Variants in PPIL4 observed in about 807,000 individuals in gnomAD.
PPIL4 encodes peptidylprolyl isomerase like 4.
In PPIL4, 50 loss-of-function variants were observed where a neutral mutation model predicts 69.1. The ratio of observed to expected loss-of-function variants is 0.72; its 90% CI spans 0.58 to 0.92. PPIL4 has a LOEUF of 0.92. PPIL4 is among the 40% of genes least tolerant of loss of function. The pLI, the probability that PPIL4 is intolerant of heterozygous loss-of-function variation, is 0.00. For synonymous variants in PPIL4, 193 were observed against 191.6 expected (o/e 1.01, Z -0.06); for missense variants, 480 against 587.9 (o/e 0.82, Z 1.90).
intron 11 of PPIL4, among the ~76,000 whole-genome samples, chr6:149,514,603 T>G (rs1194412875): frequency 6.6e-6 from 1 of 152,144 alleles, no homozygotes; most frequent in Non-Finnish European, 1.5e-5. Flanking sequence ...ATTACAGGCA[T>G]GAGCCACTGC....
chr6:149,527,372 A>G (rs1398631827), intron 7 of PPIL4, among the ~76,000 whole-genome samples: 2 of 152,198 alleles, frequency 1.3e-5, no homozygotes, highest in African/African-American at 4.8e-5. Context: ...AAATAAAATA[A>G]AGACAAGTAA....
chr6:149,513,296 A>C (rs1776884319), intron 11 of PPIL4, among the ~76,000 whole-genome samples: 2 of 145,742 alleles, frequency 1.4e-5, no homozygotes, highest in South Asian at 4.3e-4. Flanking sequence ...GAGGCAGGAA[A>C]ATCATTTGAA....
In PPIL4 at chr6:149,522,400, A is replaced by T. The variant is rs1024271906; in HGVS notation, c.871-1229T>A. Among the ~76,000 whole-genome samples, 6 of 152,362 alleles carry T rather than the reference A, an allele frequency of 3.9e-5. No individual in the cohort carries two copies. The East Asian group carries it at 7.7e-4, about 20-fold the overall frequency. The stretch of plus-strand genomic sequence containing the variant: ...AGTTGGAAGACTCACAGTTATCAAG[A>T]CATTTATAAACCTATAGTGATTAAC... On this transcript the variant is annotated intron_variant, in intron 9 of 12. Coordinates refer to ENST00000253329, the MANE Select transcript of PPIL4 (RefSeq NM_139126.4).
chr6:149,512,152 T>A lies in PPIL4; in HGVS notation c.1227+3A>T. On this transcript the variant is annotated splice_donor_region_variant and intron_variant, in intron 12 of 12. Transcript: ENST00000253329. ...CACATCTAAGTCTGGACATTAGAGG[T>A]ACCTGATTAGTATTTTTGATTGGCA... The A allele has an allele frequency of 6.2e-7, 1 of 1,600,500 alleles. No individual in the cohort carries two copies. Among genetic ancestry groups the A allele is most frequent in the Non-Finnish European group, 8.5e-7 (1 of 1,173,248 alleles).
chr6:149,516,508 A>C (rs1776946674), intron 11 of PPIL4, among the ~76,000 whole-genome samples: 1 of 152,214 alleles, frequency 6.6e-6, no homozygotes, highest in African/African-American at 2.4e-5. Context: ...ACCAATAGAA[A>C]CTAGGAAACA....
At chr6:149,532,356 A>G (rs1360983180) in intron 7 of PPIL4, among the ~76,000 whole-genome samples, 3 of 152,210 alleles carry the variant, frequency 2.0e-5, no homozygotes, top group African/African-American at 7.2e-5. Context: ...TTGCTGTGGA[A>G]AAGTCTGATA....
Position 149,534,677 on chromosome 6 carries a change from C to T in PPIL4, c.561+1G>A, listed in dbSNP as rs1006292802. The T allele has an allele frequency of 5.5e-6, 8 of 1,462,820 alleles. No homozygotes were observed. Among genetic ancestry groups the T allele is most frequent in the African/African-American group, 1.4e-5 (1 of 71,242 alleles). The allele number at this position is 1,462,820 out of a possible 1,614,324, so 90.6% of individuals were successfully genotyped here. A position where few individuals can be genotyped will look rare whatever the true frequency, so the allele number is the denominator to read the frequency against. On this transcript the variant is annotated splice_donor_variant, in intron 6 of 12. Transcript: ENST00000253329. LOFTEE classifies it high-confidence loss of function. ...TTTAATCATAAGAGGGCTTTACTTACATCTAATTGTTCCCTTGTAGGTTCT... is the reference window on the plus strand; with the variant it reads ...TTTAATCATAAGAGGGCTTTACTTATATCTAATTGTTCCCTTGTAGGTTCT...
chr6:149,532,414 T>C lies in PPIL4; in HGVS notation c.678+1044A>G, dbSNP rs73781222. Among the ~76,000 whole-genome samples the C allele has an allele frequency of 9.6e-3, 1,466 of 152,298 alleles. 32 individuals are homozygous for C. The highest frequency in any genetic ancestry group is 0.034 in the African/African-American group (1,411 of 41,552). ...TAAGTAACTTATTCTTTCTGCCCAATTGTTCAACATATCTTTCAAGTGTAG... is the reference window on the plus strand; with the variant it reads ...TAAGTAACTTATTCTTTCTGCCCAACTGTTCAACATATCTTTCAAGTGTAG... On this transcript the variant is annotated intron_variant, in intron 7 of 12. Transcript: ENST00000253329.
intron 12 of PPIL4, among the ~76,000 whole-genome samples, chr6:149,506,784 C>G (rs961224454): frequency 1.3e-5 from 2 of 152,100 alleles, no homozygotes; most frequent in African/African-American, 4.8e-5. Context: ...TTTGTAGAGA[C>G]GGGGTTTCCC....
At chr6:149,542,546 G>C (rs181198406) in intron 1 of PPIL4, among the ~76,000 whole-genome samples, 2 of 152,236 alleles carry the variant, frequency 1.3e-5, no homozygotes, top group African/African-American at 4.8e-5. Flanking sequence ...GGCAATCCCT[G>C]CCCTCAAAAA....
At chr6:149,520,317 A>ATGAG (rs1416439998) in intron 10 of PPIL4, among the ~76,000 whole-genome samples, 1 of 152,120 alleles carries the variant, frequency 6.6e-6, no homozygotes, top group Non-Finnish European at 1.5e-5. Context: ...AATTAGATAG[A>ATGAG]TGAGGAGCAG....
intron 10 of PPIL4, among the ~76,000 whole-genome samples, chr6:149,520,278 A>G (rs1332743694): frequency 6.6e-6 from 1 of 152,186 alleles, no homozygotes; most frequent in African/African-American, 2.4e-5. Context: ...GTTAGTACCA[A>G]TAGGTGATAA....
chr6:149,540,044 G>A (rs199909310), intron 4 of PPIL4, among the ~76,000 whole-genome samples: 5 of 152,184 alleles, frequency 3.3e-5, no homozygotes, highest in African/African-American at 9.6e-5. Flanking sequence ...CAGGAGAATC[G>A]CTTGAACCTG....
chr6:149,515,184 G>A (rs78296717), intron 11 of PPIL4, among the ~76,000 whole-genome samples: 28,841 of 141,486 alleles, frequency 0.2, 4,264 homozygotes, highest in East Asian at 0.77. Context: ...ACCGGGTCTC[G>A]CTATATTGCC....
At chr6:149,544,895 G>A (rs1206779467) in intron 1 of PPIL4, among the ~76,000 whole-genome samples, 1 of 152,170 alleles carries the variant, frequency 6.6e-6, no homozygotes. Flanking sequence ...GATAGGCTCT[G>A]CATTCCATGT....
At chr6:149,534,826 C>T (rs1777250354) in intron 5 of PPIL4, 52 bp from the exon 6 acceptor site, 1 of 1,106,146 alleles carries the variant, frequency 9.0e-7, no homozygotes, top group South Asian at 1.5e-5. Context: ...ATTTCAGAAT[C>T]CTATTTTATT....
At position 149,540,938 on chromosome 6, in the gene PPIL4, T is replaced by C. The variant is rs1777349634; in HGVS notation, c.321+4A>G. ...AAATCTCATATTCTTACTCATTTCC[T>C]AACCTGAGATCCATGTTGATCACTG... On this transcript the variant is annotated splice_donor_region_variant and intron_variant, in intron 4 of 12. Coordinates refer to ENST00000253329, the MANE Select transcript of PPIL4 (RefSeq NM_139126.4). 1.3e-6 allele frequency: 2 copies of C among 1,534,584 alleles called. No individual in the cohort carries two copies. Among genetic ancestry groups the C allele is most frequent in the African/African-American group, 2.7e-5 (2 of 73,488 alleles).
intron 7 of PPIL4, among the ~76,000 whole-genome samples, chr6:149,530,748 T>C (rs547093443): frequency 1.2e-4 from 19 of 152,244 alleles, no homozygotes; most frequent in Non-Finnish European, 2.5e-4. Context: ...AAATTACCAC[T>C]TTGCATAATT....
At chr6:149,535,471 C>A in intron 5 of PPIL4, 125 bp downstream of exon 5, 1 of 534,202 alleles carries the variant, frequency 1.9e-6, no homozygotes. Flanking sequence ...TATTAATTCA[C>A]CTTTTGGGAT....
Sources: gnomAD v4.1 joint callset for allele counts (sites outside exome capture counted in the v4.1 genomes callset) on GRCh38, gnomAD v4.1.1 for gene constraint, MANE v1.5 for transcripts, NCBI Gene and HGNC (gene_info 2026-07-23, HGNC 2026-07-21) for gene names.